The following CACNB2 variants were observed in gnomAD, a reference collection of about 807,000 sequenced individuals.
The protein encoded by CACNB2 is voltage-dependent L-type calcium channel subunit beta-2.
A neutral mutation model predicts 73.3 loss-of-function variants in CACNB2; 42 were observed. The observed-to-expected ratio is 0.57, with a 90% CI of 0.45 to 0.74. The LOEUF (loss-of-function observed/expected upper bound fraction) is 0.74. CACNB2 is among the 30% of genes least tolerant of loss of function. CACNB2 has a pLI of 0.00. For synonymous variants in CACNB2, 348 were observed against 310.3 expected, an observed-to-expected ratio of 1.12 and a Z score of -1.28; for missense variants, 940 against 853.0, an observed-to-expected ratio of 1.10 and a Z score of -1.27.
chr10:18,387,904 G>A (rs1011407339), intron 2 of CACNB2, among the ~76,000 whole-genome samples: 2 of 152,046 alleles, frequency 1.3e-5, no homozygotes, highest in African/African-American at 2.4e-5. Context: ...CTACAGGTGT[G>A]TGCTACCATG....
At chr10:18,500,721 T>C in intron 4 of CACNB2, 91 bp from the exon 5 acceptor site, 2 of 1,286,972 alleles carry the variant, frequency 1.6e-6, no homozygotes, top group Non-Finnish European at 2.2e-6. Context: ...TAATGGTCAT[T>C]GCCATATTTC....
intron 3 of CACNB2, among the ~76,000 whole-genome samples, chr10:18,490,160 C>A (rs1046577536): frequency 2.0e-5 from 3 of 152,178 alleles, no homozygotes; most frequent in African/African-American, 7.2e-5. Flanking sequence ...TGCACTCCAC[C>A]AAACTTGGTG....
intron 2 of CACNB2, among the ~76,000 whole-genome samples, chr10:18,314,692 ATACAC>A (rs2040092638): frequency 6.6e-6 from 1 of 152,200 alleles, no homozygotes; most frequent in African/African-American, 2.4e-5. Flanking sequence ...ACATTTTTTC[ATACAC>A]ATGAACCCTA....
intron 2 of CACNB2, among the ~76,000 whole-genome samples, chr10:18,360,055 A>G (rs1438292380): frequency 6.6e-6 from 1 of 152,180 alleles, no homozygotes; most frequent in African/African-American, 2.4e-5. Context: ...ATCCAGCGTC[A>G]CACAGAGCAG....
intron 3 of CACNB2, among the ~76,000 whole-genome samples, chr10:18,434,822 C>T (rs2046056052): frequency 6.6e-6 from 1 of 152,134 alleles, no homozygotes; most frequent in East Asian, 1.9e-4. Context: ...AGCAGGCACT[C>T]CCCTAGCTAT....
At chr10:18,271,796 CA>C (rs1252382019) in intron 2 of CACNB2, among the ~76,000 whole-genome samples, 1 of 152,094 alleles carries the variant, frequency 6.6e-6, no homozygotes, top group Admixed American at 6.5e-5. Flanking sequence ...AGATAACAGC[CA>C]ATTCTCTTCT....
intron 3 of CACNB2, among the ~76,000 whole-genome samples, chr10:18,487,886 T>C (rs1341381253): frequency 6.6e-6 from 1 of 151,376 alleles, no homozygotes; most frequent in African/African-American, 2.4e-5. Context: ...TCTCATAGTT[T>C]ATAAAATTCC....
chr10:18,288,743 A>G (rs2038917220), intron 2 of CACNB2, among the ~76,000 whole-genome samples: 1 of 149,902 alleles, frequency 6.7e-6, no homozygotes, highest in Admixed American at 6.7e-5. Flanking sequence ...GCACTCTTTT[A>G]TTTAAAAAAT....
chr10:18,517,931 T>C (rs549639179), intron 7 of CACNB2, among the ~76,000 whole-genome samples: 50 of 152,342 alleles, frequency 3.3e-4, no homozygotes, highest in African/African-American at 1.2e-3. Context: ...TAATTAACCA[T>C]GTTAGGTCTA....
intron 3 of CACNB2, among the ~76,000 whole-genome samples, chr10:18,493,888 A>C (rs2049613247): frequency 6.6e-6 from 1 of 152,178 alleles, no homozygotes. Flanking sequence ...TATCTTGGCT[A>C]CATCTGTCCC....
At chr10:18,507,742 CTG>C (rs887410076) in intron 6 of CACNB2, among the ~76,000 whole-genome samples, 3 of 152,078 alleles carry the variant, frequency 2.0e-5, no homozygotes, top group African/African-American at 7.2e-5. Context: ...CAAAATGATA[CTG>C]TGTGTGATTT....
chr10:18,140,712 T>C lies in CACNB2; in HGVS notation c.-25T>C. Reference sequence around the variant, plus strand: ...GGACCCGCCGCCGGGGGCTGGCTGCTTCGCTCCGAGCCGACTTTTCGCCAA... The same window carrying C: ...GGACCCGCCGCCGGGGGCTGGCTGCCTCGCTCCGAGCCGACTTTTCGCCAA... On this transcript the variant is annotated 5_prime_UTR_variant, in exon 1 of 14. Coordinates refer to ENST00000324631, the MANE Select transcript of CACNB2 (RefSeq NM_201596.3). 6.3e-7 allele frequency: 1 copy of C among 1,580,534 alleles called. No individual in the cohort carries two copies. Among genetic ancestry groups the C allele is most frequent in the Non-Finnish European group, 8.6e-7 (1 of 1,163,802 alleles).
intron 2 of CACNB2, among the ~76,000 whole-genome samples, chr10:18,186,770 C>A (rs147467196): frequency 1.3e-5 from 2 of 152,276 alleles, no homozygotes; most frequent in African/African-American, 4.8e-5. Context: ...CCACCATGCC[C>A]CACTTCTAAC....
At chr10:18,387,707 C>A (rs1410644123) in intron 2 of CACNB2, among the ~76,000 whole-genome samples, 1 of 151,688 alleles carries the variant, frequency 6.6e-6, no homozygotes, top group Non-Finnish European at 1.5e-5. Flanking sequence ...TGGTCACCCT[C>A]GTGCAAGTCA....
chr10:18,433,185 A>G (rs534178952), intron 3 of CACNB2, among the ~76,000 whole-genome samples: 43 of 152,328 alleles, frequency 2.8e-4, no homozygotes, highest in Non-Finnish European at 4.4e-4. Context: ...CCAATGCCAC[A>G]TGCAGATAGA....
chr10:18,171,461 T>A (rs2033221439), intron 2 of CACNB2, among the ~76,000 whole-genome samples: 1 of 131,220 alleles, frequency 7.6e-6, no homozygotes, highest in African/African-American at 3.0e-5. Context: ...GATTTCCCCA[T>A]GCAGGCAGCA....
At chr10:18,290,112 CTTTTTTTTTTTTTTTTT>C (rs992393946) in intron 2 of CACNB2, among the ~76,000 whole-genome samples, 56 of 50,152 alleles carry the variant, frequency 1.1e-3, no homozygotes, top group African/African-American at 3.7e-3. Flanking sequence ...TTTTCTTTTT[CTTTTTTTTTTTTTTTTT>C]TTTTTTTTTT....
chr10:18,214,147 A>AACTGTATGGCGTGGCAACAGCTGGTCGGG (rs2035423197), intron 2 of CACNB2, among the ~76,000 whole-genome samples: 6 of 104,634 alleles, frequency 5.7e-5, no homozygotes, highest in Admixed American at 1.1e-4. Context: ...TAGAAGTATA[A>AACTGTATGGCGTGGCAACAGCTGGTCGGG]GTTCTTCTGA....
At chr10:18,340,119 G>A (rs893658382) in intron 2 of CACNB2, among the ~76,000 whole-genome samples, 12 of 152,150 alleles carry the variant, frequency 7.9e-5, no homozygotes, top group African/African-American at 2.9e-4. Context: ...TCTTTTGGTT[G>A]TGAGCCTTTT....
Sources: allele counts gnomAD v4.1 joint callset (sites outside exome capture counted in the v4.1 genomes callset), GRCh38; gene constraint gnomAD v4.1.1; transcripts MANE v1.5; gene names NCBI Gene and HGNC (gene_info 2026-07-23, HGNC 2026-07-21).